PPA2: variants seen among roughly 807,000 people sequenced by gnomAD.
The protein encoded by PPA2 is inorganic pyrophosphatase 2, mitochondrial.
PPA2 carries 48 observed loss-of-function variants against 49.5 expected under a neutral mutation model. The observed-to-expected ratio is 0.97, with a 90% CI of 0.77 to 1.23. PPA2 has a LOEUF of 1.23. Ranked by LOEUF, PPA2 falls within the 50% of genes most tolerant of loss-of-function variation. The probability of loss-of-function intolerance (pLI) is 0.00; values close to 1 mark genes in which losing one functional copy is unlikely to be tolerated. For synonymous variants in PPA2, 131 were observed against 139.9 expected, an observed-to-expected ratio of 0.94 and a Z score of 0.45; for missense variants, 429 against 410.1, an observed-to-expected ratio of 1.05 and a Z score of -0.40.
At chr4:105,410,873 T>C (rs867138657) in intron 7 of PPA2, among the ~76,000 whole-genome samples, 1 of 152,212 alleles carries the variant, frequency 6.6e-6, no homozygotes, top group African/African-American at 2.4e-5. Context: ...CTGAGAGATT[T>C]TGTCACCACC....
intron 7 of PPA2, among the ~76,000 whole-genome samples, chr4:105,409,251 C>A (rs755898505): frequency 6.6e-6 from 1 of 152,246 alleles, no homozygotes; most frequent in Non-Finnish European, 1.5e-5. Context: ...AATTCCCTTC[C>A]GTGTCTGGCT....
intron 1 of PPA2, among the ~76,000 whole-genome samples, chr4:105,469,611 A>T (rs1723441752): frequency 2.6e-5 from 4 of 152,272 alleles, no homozygotes; most frequent in African/African-American, 9.6e-5. Context: ...AGATTAAGAA[A>T]TGTAAAGGAG....
intron 7 of PPA2, 79 bp downstream of exon 7, chr4:105,424,117 T>C: frequency 7.0e-7 from 1 of 1,432,036 alleles, no homozygotes; most frequent in Non-Finnish European, 9.5e-7. Context: ...TTAACTCCCC[T>C]ATGTGAACTT....
chr4:105,415,364 C>A (rs1285222836), intron 7 of PPA2, among the ~76,000 whole-genome samples: 4 of 152,256 alleles, frequency 2.6e-5, no homozygotes, highest in African/African-American at 9.6e-5. Flanking sequence ...CCCTCCCATG[C>A]TCGTCAGCGC....
chr4:105,405,552 T>C (rs1722427947), intron 7 of PPA2: 1 of 939,294 alleles, frequency 1.1e-6, no homozygotes, highest in Non-Finnish European at 1.3e-6. Context: ...TAAATATTTA[T>C]TTCTGAAATG....
intron 10 of PPA2, among the ~76,000 whole-genome samples, chr4:105,376,339 C>T (rs2726505): frequency 0.96 from 145,889 of 152,298 alleles, 70,021 homozygotes; most frequent in African/African-American, 0.99. Flanking sequence ...ACTATGGATA[C>T]TGTTGCTTTA....
chr4:105,447,435 T>G lies in PPA2; in HGVS notation c.322-933A>C, dbSNP rs535992316. 2.0e-5 allele frequency among the ~76,000 whole-genome samples: 3 copies of G among 152,288 alleles called. No individual in the cohort carries two copies. In the South Asian group the frequency reaches 6.2e-4, roughly 32 times the overall value. Reference sequence around the variant, plus strand: ...GTCAAAGGATACAAAATCTCAGACATGAAGAATAAGATGTTTTATTGTTGA... The same window carrying G: ...GTCAAAGGATACAAAATCTCAGACAGGAAGAATAAGATGTTTTATTGTTGA... On this transcript the variant is annotated intron_variant, in intron 4 of 11. Coordinates refer to ENST00000341695, the MANE Select transcript of PPA2 (RefSeq NM_176869.3).
At chr4:105,386,506 T>A (rs1157061499) in intron 10 of PPA2, 61 bp downstream of exon 10, 1 of 1,484,200 alleles carries the variant, frequency 6.7e-7, no homozygotes, top group African/African-American at 1.4e-5. Context: ...TTTCAGAATT[T>A]CTACTAGACT....
At position 105,386,652 on chromosome 4, in the gene PPA2, G is replaced by T. The variant is rs777868202; in HGVS notation, c.870-16C>A. The T allele has an allele frequency of 1.2e-6, 2 of 1,606,128 alleles. No individual in the cohort carries two copies. Among genetic ancestry groups the T allele is most frequent in the East Asian group, 2.2e-5 (1 of 44,656 alleles). ...CACGTTTGTGCTGGAGAGGAAAAGA[G>T]AATGTTATTATTAAACAGGATAAAA... On this transcript the variant is annotated splice_polypyrimidine_tract_variant and intron_variant, in intron 9 of 11. Coordinates refer to ENST00000341695, the MANE Select transcript of PPA2 (RefSeq NM_176869.3).
intron 7 of PPA2, among the ~76,000 whole-genome samples, chr4:105,407,814 A>T (rs1478932120): frequency 6.6e-6 from 1 of 152,184 alleles, no homozygotes; most frequent in Admixed American, 6.5e-5. Context: ...ACAGAAAGTA[A>T]ATCAGTGTTT....
At chr4:105,386,822 A>G (rs533099995) in intron 9 of PPA2, among the ~76,000 whole-genome samples, 186 bp from the exon 10 acceptor site, 1 of 152,234 alleles carries the variant, frequency 6.6e-6, no homozygotes, top group Non-Finnish European at 1.5e-5. Context: ...GGTTCTAAGT[A>G]TAGAGTAGTC....
At chr4:105,463,091 A>C (rs1408017691) in intron 1 of PPA2, among the ~76,000 whole-genome samples, 1 of 152,224 alleles carries the variant, frequency 6.6e-6, no homozygotes, top group African/African-American at 2.4e-5. Flanking sequence ...AGTTTGGAAC[A>C]GTCTGGAGGG....
At chr4:105,456,237 C>G (rs776227200) in intron 2 of PPA2, 7 of 476,428 alleles carry the variant, frequency 1.5e-5, no homozygotes, top group African/African-American at 3.9e-5. Flanking sequence ...AAAACTAGCT[C>G]TGGCACTTAC....
intron 4 of PPA2, 72 bp downstream of exon 4, chr4:105,449,278 C>A: frequency 5.7e-6 from 4 of 706,546 alleles, no homozygotes; most frequent in Non-Finnish European, 8.9e-6. Flanking sequence ...AAATATTATG[C>A]CAAACAACTT....
chr4:105,450,888 T>C (rs1478724936), intron 3 of PPA2, among the ~76,000 whole-genome samples: 1 of 152,186 alleles, frequency 6.6e-6, no homozygotes, highest in Non-Finnish European at 1.5e-5. Flanking sequence ...ATTACAGGCG[T>C]GAGCCACCGC....
intron 1 of PPA2, among the ~76,000 whole-genome samples, chr4:105,458,549 G>A (rs1302613379): frequency 6.6e-6 from 1 of 152,054 alleles, no homozygotes; most frequent in Non-Finnish European, 1.5e-5. Context: ...GCATGGCCGG[G>A]CACGATGGCT....
At chr4:105,397,181 G>C (rs534889748) in intron 8 of PPA2, among the ~76,000 whole-genome samples, 1 of 152,082 alleles carries the variant, frequency 6.6e-6, no homozygotes, top group Non-Finnish European at 1.5e-5. Context: ...CTTCTTCAAT[G>C]ATAACTAAAC....
At chr4:105,384,408 C>T (rs1733605200) in intron 10 of PPA2, among the ~76,000 whole-genome samples, 1 of 151,578 alleles carries the variant, frequency 6.6e-6, no homozygotes, top group African/African-American at 2.4e-5. Flanking sequence ...ATATGTCCTC[C>T]AATTATTTTT....
intron 7 of PPA2, among the ~76,000 whole-genome samples, chr4:105,407,502 G>C (rs1324861681): frequency 2.8e-5 from 4 of 145,412 alleles, no homozygotes; most frequent in African/African-American, 1.0e-4. Flanking sequence ...TTCCCCACTG[G>C]AAATGAAAAC....
Sources: gnomAD v4.1 joint callset for allele counts (sites outside exome capture counted in the v4.1 genomes callset) on GRCh38, gnomAD v4.1.1 for gene constraint, MANE v1.5 for transcripts, NCBI Gene and HGNC (gene_info 2026-07-23, HGNC 2026-07-21) for gene names.